Variants in DPYD observed in about 807,000 individuals in gnomAD.
The protein encoded by DPYD is dihydropyrimidine dehydrogenase [NADP(+)].
Under a neutral mutation model 116.2 loss-of-function variants are expected in DPYD, and 109 were observed. That is an observed-to-expected ratio of 0.94 (90% confidence interval 0.80 to 1.10). The LOEUF (loss-of-function observed/expected upper bound fraction) is 1.10. Among genes scored for constraint, DPYD ranks in the 50% least tolerant of loss-of-function variants. DPYD has a pLI of 0.00. For synonymous variants in DPYD, 440 were observed against 432.0 expected (o/e 1.02, Z -0.23); for missense variants, 1,302 against 1,254.5 (o/e 1.04, Z -0.57).
chr1:97,604,891 C>T (rs1655487829), intron 8 of DPYD, among the ~76,000 whole-genome samples: 1 of 152,020 alleles, frequency 6.6e-6, no homozygotes, highest in African/African-American at 2.4e-5. Context: ...GACTCCAAGA[C>T]TATATTAAAA....
intron 2 of DPYD, among the ~76,000 whole-genome samples, chr1:97,874,670 A>G (rs866880101): frequency 8.6e-5 from 13 of 151,878 alleles, no homozygotes; most frequent in African/African-American, 2.9e-4. Context: ...TACTAGGACT[A>G]TTGTTCATAT....
intron 3 of DPYD, among the ~76,000 whole-genome samples, chr1:97,758,022 T>C (rs1192346700): frequency 6.6e-6 from 1 of 152,148 alleles, no homozygotes; most frequent in Non-Finnish European, 1.5e-5. Context: ...GATTATCTCA[T>C]TCATAGACAT....
chr1:97,200,739 C>T (rs905028256), intron 19 of DPYD, among the ~76,000 whole-genome samples: 1 of 152,122 alleles, frequency 6.6e-6, no homozygotes, highest in Admixed American at 6.6e-5. Flanking sequence ...GGAATTTAGA[C>T]TTTTTTTCAG....
rs1054239986 is a variant in DPYD at position 97,721,647 on chromosome 1, T to C, written c.346A>G (p.Ile116Val). The change falls in exon 5 of 23, where the codon ATA becomes GTA. Residue 116 changes from isoleucine to valine, a missense_variant. Physicochemically the swap from Ile to Val is conservative, Grantham distance 29. Transcript: ENST00000370192. ...AGACCAAGTGGGTTGTCAGAAAATA[T>C]CATCTTAGCAGCTCCATAATAGTTC... ...NKNYYGAAKM[I>V]FSDNPLGLTC... The C allele has an allele frequency of 1.2e-6, 2 of 1,611,276 alleles. No individual in the cohort carries two copies.
chr1:97,470,832 G>A (rs1471948198), intron 13 of DPYD, among the ~76,000 whole-genome samples: 2 of 151,816 alleles, frequency 1.3e-5, no homozygotes, highest in Non-Finnish European at 2.9e-5. Flanking sequence ...ACCCCATCAA[G>A]TACAAAAATT....
At chr1:97,233,694 T>C (rs1557959566) in intron 19 of DPYD, among the ~76,000 whole-genome samples, 1 of 152,114 alleles carries the variant, frequency 6.6e-6, no homozygotes, top group South Asian at 2.1e-4. Flanking sequence ...TGGCTCCAAG[T>C]GTGAGATGAG....
chr1:97,880,286 G>T (rs548953344), intron 2 of DPYD, among the ~76,000 whole-genome samples: 1 of 151,894 alleles, frequency 6.6e-6, no homozygotes, highest in African/African-American at 2.4e-5. Flanking sequence ...GAGGTAAGAA[G>T]AAAACTTTTT....
At chr1:97,151,593 T>C (rs1557895447) in intron 20 of DPYD, among the ~76,000 whole-genome samples, 1 of 152,042 alleles carries the variant, frequency 6.6e-6, no homozygotes, top group Non-Finnish European at 1.5e-5. Flanking sequence ...GACAATCGAT[T>C]GAACCTGGGA....
intron 8 of DPYD, among the ~76,000 whole-genome samples, chr1:97,668,483 GTTC>G (rs1442221819): frequency 6.6e-6 from 1 of 151,950 alleles, no homozygotes; most frequent in African/African-American, 2.4e-5. Flanking sequence ...TATGCACAAA[GTTC>G]TTATTTTTAA....
intron 20 of DPYD, among the ~76,000 whole-genome samples, chr1:97,188,806 C>T (rs147330370): frequency 2.0e-4 from 31 of 152,150 alleles, no homozygotes; most frequent in African/African-American, 7.0e-4. Context: ...TGTTCTAGGC[C>T]GTCAAGAAGC....
At chr1:97,437,362 T>C (rs1675525835) in intron 14 of DPYD, among the ~76,000 whole-genome samples, 1 of 151,804 alleles carries the variant, frequency 6.6e-6, no homozygotes, top group African/African-American at 2.4e-5. Flanking sequence ...ATCCATTTTG[T>C]TGTGTGTATA....
chr1:97,840,085 T>TAC (rs1669964168), intron 2 of DPYD, among the ~76,000 whole-genome samples: 2 of 152,178 alleles, frequency 1.3e-5, no homozygotes, highest in Admixed American at 6.5e-5. Context: ...CAATAGTTTG[T>TAC]TGTTTCTCTT....
intron 18 of DPYD, among the ~76,000 whole-genome samples, chr1:97,270,767 G>A (rs1053573869): frequency 2.6e-5 from 4 of 152,166 alleles, no homozygotes; most frequent in African/African-American, 7.2e-5. Flanking sequence ...AGTTTAAGGA[G>A]AAGTTAGTTA....
intron 11 of DPYD, among the ~76,000 whole-genome samples, chr1:97,570,457 A>C (rs2102169954): frequency 6.6e-6 from 1 of 152,112 alleles, no homozygotes; most frequent in South Asian, 2.1e-4. Context: ...TGGCAGGAAT[A>C]ATTCAACAGG....
intron 21 of DPYD, among the ~76,000 whole-genome samples, chr1:97,092,657 C>T (rs1485997960): frequency 6.6e-6 from 1 of 152,092 alleles, no homozygotes; most frequent in African/African-American, 2.4e-5. Flanking sequence ...GCTCTTTCTC[C>T]TTTATATCCT....
At chr1:97,774,939 C>T in intron 3 of DPYD, 1 of 321,690 alleles carries the variant, frequency 3.1e-6, no homozygotes. Flanking sequence ...CTAGAAATAG[C>T]ATCCTCAAAG....
chr1:97,460,420 A>G (rs1426333463), intron 13 of DPYD, among the ~76,000 whole-genome samples: 1 of 152,158 alleles, frequency 6.6e-6, no homozygotes, highest in Non-Finnish European at 1.5e-5. Context: ...ACAACATGGG[A>G]ACATTTCAGA....
intron 18 of DPYD, among the ~76,000 whole-genome samples, chr1:97,301,015 C>CTTTA (rs1553251182): frequency 2.0e-5 from 3 of 151,960 alleles, no homozygotes; most frequent in Non-Finnish European, 4.4e-5. Context: ...ATGAAAACAC[C>CTTTA]TTTAGGAAGC....
chr1:97,639,111 CA>C (rs1657736158), intron 8 of DPYD, among the ~76,000 whole-genome samples: 1 of 152,148 alleles, frequency 6.6e-6, no homozygotes, highest in Non-Finnish European at 1.5e-5. Flanking sequence ...AGAAGATATA[CA>C]GACACTGGGT....
Sources: allele counts gnomAD v4.1 joint callset (sites outside exome capture counted in the v4.1 genomes callset), GRCh38; gene constraint gnomAD v4.1.1; transcripts MANE v1.5; gene names NCBI Gene and HGNC (gene_info 2026-07-23, HGNC 2026-07-21).